Variants in PCDH9 observed in about 807,000 individuals in gnomAD.
PCDH9 encodes the protein protocadherin 9.
PCDH9 carries 24 observed loss-of-function variants against 70.6 expected under a neutral mutation model. The observed-to-expected ratio is 0.34, with a 90% confidence interval of 0.25 to 0.48. The LOEUF is 0.48. Ranked by LOEUF, PCDH9 falls within the 20% of genes least tolerant of loss-of-function variation. The pLI is 0.99. For missense variants in PCDH9, 1,281 were observed against 1,503.6 expected, an observed-to-expected ratio of 0.85 and a Z score of 2.45; for synonymous variants, 562 against 558.5, an observed-to-expected ratio of 1.01 and a Z score of -0.09.
chr13:66,646,711 C>CA (rs986908972), intron 3 of PCDH9, among the ~76,000 whole-genome samples: 21 of 152,200 alleles, frequency 1.4e-4, no homozygotes, highest in African/African-American at 4.1e-4. Context: ...ACTATCCACA[C>CA]AAAAAAAGCA....
chr13:66,958,824 G>C (rs912475502), intron 2 of PCDH9, among the ~76,000 whole-genome samples: 8 of 152,154 alleles, frequency 5.3e-5, no homozygotes, highest in Non-Finnish European at 1.2e-4. Flanking sequence ...ACCCACGCTA[G>C]AGAGGAGGTG....
At chr13:66,684,491 CATACTGTCCT>C (rs560494728) in intron 3 of PCDH9, among the ~76,000 whole-genome samples, 142 of 152,252 alleles carry the variant, frequency 9.3e-4, no homozygotes, top group African/African-American at 3.2e-3. Context: ...CAGTTACCTC[CATACTGTCCT>C]TGACAGTGAA....
intron 3 of PCDH9, among the ~76,000 whole-genome samples, chr13:66,809,114 A>C (rs987527872): frequency 6.6e-6 from 1 of 151,900 alleles, no homozygotes; most frequent in Non-Finnish European, 1.5e-5. Flanking sequence ...CGCTCGACTA[A>C]TTTTTTGTAT....
chr13:66,395,356 A>G (rs1031422122), intron 4 of PCDH9, among the ~76,000 whole-genome samples: 8 of 152,128 alleles, frequency 5.3e-5, no homozygotes. Flanking sequence ...TAATCCCAGC[A>G]CTTTGGGAGT....
intron 4 of PCDH9, among the ~76,000 whole-genome samples, chr13:66,438,196 T>C (rs1957910115): frequency 1.3e-5 from 2 of 150,722 alleles, no homozygotes; most frequent in South Asian, 2.1e-4. Context: ...ATCATGGCAC[T>C]GCACTCCAGC....
intron 2 of PCDH9, among the ~76,000 whole-genome samples, chr13:67,028,966 C>T (rs1360663144): frequency 6.6e-6 from 1 of 152,182 alleles, no homozygotes; most frequent in Non-Finnish European, 1.5e-5. Flanking sequence ...ATGAAGTTAG[C>T]GTCTAAAAAT....
intron 3 of PCDH9, among the ~76,000 whole-genome samples, chr13:66,747,412 T>A (rs1469580532): frequency 6.6e-6 from 1 of 151,864 alleles, no homozygotes; most frequent in Non-Finnish European, 1.5e-5. Flanking sequence ...AGCATATATA[T>A]GGCATGACCA....
chr13:66,780,633 A>G (rs1223010951), intron 3 of PCDH9, among the ~76,000 whole-genome samples: 1 of 152,098 alleles, frequency 6.6e-6, no homozygotes, highest in Non-Finnish European at 1.5e-5. Flanking sequence ...TTTACTCCCT[A>G]GTCAATATTC....
At chr13:66,763,036 G>A (rs559350765) in intron 3 of PCDH9, among the ~76,000 whole-genome samples, 1 of 152,000 alleles carries the variant, frequency 6.6e-6, no homozygotes, top group African/African-American at 2.4e-5. Flanking sequence ...TTCAACAATA[G>A]TGCACTGCAA....
At chr13:66,584,158 T>C (rs1344040548) in intron 4 of PCDH9, among the ~76,000 whole-genome samples, 2 of 152,180 alleles carry the variant, frequency 1.3e-5, no homozygotes, top group Non-Finnish European at 2.9e-5. Flanking sequence ...AATTTTTTAG[T>C]TTATCAAAGG....
intron 4 of PCDH9, among the ~76,000 whole-genome samples, chr13:66,533,409 A>C (rs1380065529): frequency 6.6e-6 from 1 of 152,052 alleles, no homozygotes; most frequent in African/African-American, 2.4e-5. Flanking sequence ...TATTAATGAT[A>C]TATAAAAATA....
chr13:66,418,526 A>C (rs574527000), intron 4 of PCDH9, among the ~76,000 whole-genome samples: 1 of 152,292 alleles, frequency 6.6e-6, no homozygotes, highest in South Asian at 2.1e-4. Flanking sequence ...GAAATAAATA[A>C]GTTATTTGAA....
chr13:67,058,737 C>T (rs1229230147), intron 2 of PCDH9, among the ~76,000 whole-genome samples: 3 of 152,198 alleles, frequency 2.0e-5, no homozygotes, highest in East Asian at 1.9e-4. Flanking sequence ...TGTACTCATA[C>T]GTTAGCACAT....
intron 3 of PCDH9, among the ~76,000 whole-genome samples, chr13:66,828,356 C>T (rs2080860816): frequency 6.6e-6 from 1 of 151,978 alleles, no homozygotes. Flanking sequence ...GAATTTATAA[C>T]CATAAAAAAT....
chr13:66,469,410 A>G (rs2138476896), intron 4 of PCDH9, among the ~76,000 whole-genome samples: 1 of 150,332 alleles, frequency 6.7e-6, no homozygotes, highest in South Asian at 2.2e-4. Context: ...AAAAGAAAGG[A>G]TGGAAGGGAG....
At chr13:66,699,078 C>T (rs1408280219) in intron 3 of PCDH9, among the ~76,000 whole-genome samples, 2 of 151,686 alleles carry the variant, frequency 1.3e-5, no homozygotes, top group African/African-American at 4.8e-5. Context: ...TCATGTCCGG[C>T]TAATTTTTGT....
intron 4 of PCDH9, among the ~76,000 whole-genome samples, chr13:66,532,842 A>G (rs1960528419): frequency 6.6e-6 from 1 of 152,096 alleles, no homozygotes; most frequent in Non-Finnish European, 1.5e-5. Flanking sequence ...GTTATTAATG[A>G]CTGCCTGTTG....
intron 3 of PCDH9, among the ~76,000 whole-genome samples, chr13:66,774,871 CA>C (rs1319084843): frequency 6.6e-5 from 10 of 152,174 alleles, no homozygotes; most frequent in Non-Finnish European, 1.5e-4. Flanking sequence ...AATATCTATT[CA>C]AGTTTTGGTA....
intron 2 of PCDH9, among the ~76,000 whole-genome samples, chr13:67,177,751 G>T (rs73509490): frequency 0.019 from 2,929 of 152,170 alleles, 106 homozygotes; most frequent in African/African-American, 0.067. Flanking sequence ...TCTGTTTTCA[G>T]ACAGTAAAAC....
Sources: allele counts gnomAD v4.1 joint callset (sites outside exome capture counted in the v4.1 genomes callset), GRCh38; gene constraint gnomAD v4.1.1; transcripts MANE v1.5; gene names NCBI Gene and HGNC (gene_info 2026-07-23, HGNC 2026-07-21).